RNF216: variants seen among roughly 807,000 people sequenced by gnomAD.
RNF216 encodes ring finger protein 216.
RNF216 carries 72 observed loss-of-function variants against 110.8 expected under a neutral mutation model. The observed-to-expected ratio is 0.65, with a 90% CI of 0.54 to 0.79. RNF216 has a LOEUF of 0.79. Among genes scored for constraint, RNF216 ranks in the 30% least tolerant of loss-of-function variants. RNF216 has a pLI of 0.00. For synonymous variants in RNF216, 495 were observed against 407.5 expected (o/e 1.21, Z -2.59); for missense variants, 1,342 against 1,141.2 (o/e 1.18, Z -2.54).
Position 5,721,061 on chromosome 7 carries a change from T to G in RNF216, c.1616A>C (p.Tyr539Ser). ...TGCCATCTCTTTGATTTTCTGCTCA[T>G]AGAACTCCTGCTCTTGTTGCACAGC... ...LPAVQQEQEF[Y>S]EQKIKEMAEH... is the part of the protein sequence containing the mutation. Residue 539 changes from tyrosine to serine, a missense_variant, in exon 9 of 17, where the codon TAT (tyrosine) becomes TCT (serine). Tyr to Ser is a moderately radical substitution (Grantham distance 144, BLOSUM62 -2). Coordinates refer to ENST00000389902, the MANE Select transcript of RNF216 (RefSeq NM_207111.4). 1 of 1,614,242 alleles carries G rather than the reference T, an allele frequency of 6.2e-7. No individual in the cohort carries two copies. Among genetic ancestry groups the G allele is most frequent in the Non-Finnish European group, 8.5e-7 (1 of 1,180,036 alleles).
chr7:5,672,823 G>A (rs989722529), intron 13 of RNF216, among the ~76,000 whole-genome samples: 1 of 152,100 alleles, frequency 6.6e-6, no homozygotes, highest in Non-Finnish European at 1.5e-5. Context: ...ACTGGGAGGC[G>A]AGGAGCTGGG....
intron 13 of RNF216, 21 bp from the exon 14 acceptor site, chr7:5,652,531 C>G (rs748389354): frequency 1.3e-6 from 2 of 1,519,208 alleles, no homozygotes; most frequent in Admixed American, 1.7e-5. Context: ...AGGACAGACA[C>G]AAAGACAACT....
chr7:5,692,534 T>C lies in RNF216; in HGVS notation c.2061+19227A>G, dbSNP rs185641701. ...CCAAGGTTTCTCACTGGCTGTATCC[T>C]GTCCGACAGTGCCAGAGCTTGTGCT... On this transcript the variant is annotated intron_variant, in intron 13 of 16. Coordinates refer to ENST00000389902, the MANE Select transcript of RNF216 (RefSeq NM_207111.4). 6.4e-3 allele frequency among the ~76,000 whole-genome samples: 974 copies of C among 152,312 alleles called. 6 individuals carry two copies. The highest frequency in any genetic ancestry group is 9.9e-3 in the Non-Finnish European group (674 of 68,036).
At chr7:5,650,533 T>C (rs528130583) in intron 14 of RNF216, among the ~76,000 whole-genome samples, 5 of 152,034 alleles carry the variant, frequency 3.3e-5, no homozygotes, top group African/African-American at 1.2e-4. Context: ...CTCATTTGGG[T>C]TGTCTGCAGA....
intron 8 of RNF216, among the ~76,000 whole-genome samples, chr7:5,721,875 A>T (rs1202882870): frequency 6.6e-6 from 1 of 152,254 alleles, no homozygotes; most frequent in Non-Finnish European, 1.5e-5. Flanking sequence ...AATATTAGAC[A>T]CGTAAATGAT....
At chr7:5,764,227 A>C (rs1433270673) in intron 1 of RNF216, among the ~76,000 whole-genome samples, 1 of 151,216 alleles carries the variant, frequency 6.6e-6, no homozygotes, top group African/African-American at 2.4e-5. Context: ...AAAAAAAAAC[A>C]GATAAGTATC....
At chr7:5,664,935 T>C (rs2128589293) in intron 13 of RNF216, among the ~76,000 whole-genome samples, 1 of 152,318 alleles carries the variant, frequency 6.6e-6, no homozygotes, top group African/African-American at 2.4e-5. Context: ...TAGCTGGGAT[T>C]ACAGGCGCCC....
chr7:5,706,921 T>C (rs1792326708), intron 13 of RNF216, among the ~76,000 whole-genome samples: 1 of 151,888 alleles, frequency 6.6e-6, no homozygotes, highest in African/African-American at 2.4e-5. Context: ...AAGTCTTTAA[T>C]CCATTTAAAG....
At chr7:5,721,428 T>C (rs1170926444) in intron 8 of RNF216, among the ~76,000 whole-genome samples, 1 of 152,258 alleles carries the variant, frequency 6.6e-6, no homozygotes, top group Admixed American at 6.5e-5. Flanking sequence ...CTGTCACTAG[T>C]GTACTATGTG....
chr7:5,746,199 T>C (rs944852782), intron 3 of RNF216, among the ~76,000 whole-genome samples: 32 of 152,270 alleles, frequency 2.1e-4, no homozygotes, highest in Middle Eastern at 3.4e-3. Context: ...CCTGGTCTCT[T>C]TGACTTTGAG....
intron 13 of RNF216, among the ~76,000 whole-genome samples, chr7:5,663,375 T>G (rs1321037363): frequency 6.6e-6 from 1 of 151,630 alleles, no homozygotes; most frequent in Non-Finnish European, 1.5e-5. Flanking sequence ...CGTCAGGAGA[T>G]CGAGACCATC....
At chr7:5,711,530 A>G (rs2128629173) in intron 13 of RNF216, among the ~76,000 whole-genome samples, 1 of 152,350 alleles carries the variant, frequency 6.6e-6, no homozygotes, top group African/African-American at 2.4e-5. Context: ...AGAAGATGAT[A>G]TAAAATAGGA....
At chr7:5,781,380 G>A (rs1179427208) in intron 1 of RNF216, among the ~76,000 whole-genome samples, 161 bp downstream of exon 1, 5 of 150,748 alleles carry the variant, frequency 3.3e-5, no homozygotes, top group East Asian at 2.0e-4. Context: ...CCCTTGGCCC[G>A]ATCCCGCCCG....
At chr7:5,642,640 G>A (rs1787808823) in intron 14 of RNF216, among the ~76,000 whole-genome samples, 1 of 147,708 alleles carries the variant, frequency 6.8e-6, no homozygotes. Flanking sequence ...TTTCATGCCC[G>A]GCCATTTTTT....
At chr7:5,781,367 A>AGCCCC (rs1183282008) in intron 1 of RNF216, among the ~76,000 whole-genome samples, 174 bp downstream of exon 1, 1 of 151,208 alleles carries the variant, frequency 6.6e-6, no homozygotes, top group East Asian at 2.0e-4. Flanking sequence ...CGCCCAGCCC[A>AGCCCC]GCCCCTTGGC....
Position 5,639,860 on chromosome 7 carries a change from C to T in RNF216, c.2382+1294G>A, listed in dbSNP as rs185153628. 9.9e-5 allele frequency among the ~76,000 whole-genome samples: 15 copies of T among 151,660 alleles called. No homozygotes were observed. The East Asian group carries it at 2.1e-3, about 22-fold the overall frequency. ...CTGCAAGCTCTGCCTCCTGGGTTCA[C>T]GCCATTCTCCTGCCTCAACCTCCTG... On this transcript the variant is annotated intron_variant, in intron 15 of 16. Transcript: ENST00000389902.
chr7:5,654,775 C>T (rs377252092), intron 13 of RNF216, among the ~76,000 whole-genome samples: 58 of 148,532 alleles, frequency 3.9e-4, no homozygotes, highest in African/African-American at 1.2e-3. Context: ...TACATTTAAA[C>T]GCACTGCTTC....
intron 13 of RNF216, among the ~76,000 whole-genome samples, chr7:5,676,802 C>T (rs1790328875): frequency 6.6e-6 from 1 of 152,230 alleles, no homozygotes; most frequent in African/African-American, 2.4e-5. Context: ...AGCCACTGGA[C>T]TCAGGTTCCA....
chr7:5,723,931 G>GT (rs1793599939), intron 8 of RNF216, among the ~76,000 whole-genome samples: 1 of 152,182 alleles, frequency 6.6e-6, no homozygotes, highest in South Asian at 2.1e-4. Flanking sequence ...TAAATCAAGT[G>GT]TAATTTCTAT....
Sources: allele counts gnomAD v4.1 joint callset (sites outside exome capture counted in the v4.1 genomes callset), GRCh38; gene constraint gnomAD v4.1.1; transcripts MANE v1.5; gene names NCBI Gene and HGNC (gene_info 2026-07-23, HGNC 2026-07-21).